Variants in TMEFF2 observed in about 807,000 individuals in gnomAD.
TMEFF2 encodes the protein transmembrane protein with EGF like and two follistatin like domains 2.
In TMEFF2, 28 loss-of-function variants were observed where a neutral mutation model predicts 53.8. The observed-to-expected ratio is 0.52, with a 90% CI of 0.39 to 0.71. TMEFF2 has a LOEUF of 0.71. TMEFF2 is among the 30% of genes least tolerant of loss of function. The pLI, the probability that TMEFF2 is intolerant of heterozygous loss-of-function variation, is 0.00. For missense variants in TMEFF2, 353 were observed against 455.2 expected, an observed-to-expected ratio of 0.78 and a Z score of 2.04; for synonymous variants, 162 against 166.3, an observed-to-expected ratio of 0.97 and a Z score of 0.20.
intron 4 of TMEFF2, among the ~76,000 whole-genome samples, chr2:192,151,118 C>T (rs1690272532): frequency 6.6e-6 from 1 of 151,780 alleles, no homozygotes; most frequent in Non-Finnish European, 1.5e-5. Context: ...ATCTTGCTCA[C>T]TCTCTCTCAT....
chr2:192,023,848 A>T (rs1223375174), intron 5 of TMEFF2, among the ~76,000 whole-genome samples: 1 of 152,170 alleles, frequency 6.6e-6, no homozygotes, highest in Non-Finnish European at 1.5e-5. Flanking sequence ...TTGGGGGCAG[A>T]CTATACTCAT....
chr2:192,057,564 T>G (rs1331515705), intron 5 of TMEFF2, 115 bp downstream of exon 5: 2 of 971,246 alleles, frequency 2.1e-6, no homozygotes, highest in South Asian at 2.9e-5. Context: ...ACTTGGGAAC[T>G]GAATAAGAAA....
intron 4 of TMEFF2, among the ~76,000 whole-genome samples, chr2:192,144,812 G>A (rs1484984944): frequency 6.6e-6 from 1 of 151,946 alleles, no homozygotes. Flanking sequence ...CAAAGTTACA[G>A]TCACTAGTGG....
At chr2:191,964,388 T>TC (rs1692397735) in intron 7 of TMEFF2, among the ~76,000 whole-genome samples, 1 of 43,426 alleles carries the variant, frequency 2.3e-5, no homozygotes, top group Non-Finnish European at 4.5e-5. Context: ...CTTTCTTTCT[T>TC]TCTTTCTTTC....
chr2:192,127,778 A>G (rs1689712620), intron 4 of TMEFF2, among the ~76,000 whole-genome samples: 1 of 152,230 alleles, frequency 6.6e-6, no homozygotes, highest in Non-Finnish European at 1.5e-5. Flanking sequence ...TAATAATATT[A>G]CTTTGTGTGT....
At position 192,194,431 on chromosome 2, in the gene TMEFF2, C is replaced by G; in HGVS notation, c.94G>C (p.Val32Leu). ...GCAGCGAGCTTCACCGGGCGGGCTACGATGAGTAGCATGACGGGCAGCAGC... is the reference window on the plus strand; with the variant it reads ...GCAGCGAGCTTCACCGGGCGGGCTAGGATGAGTAGCATGACGGGCAGCAGC... ...LLLLPVMLLI[V>L]ARPVKLAAFP... Residue 32 changes from valine (V) to leucine (L), a missense_variant, in exon 1 of 10, where the codon GTA (valine) becomes CTA (leucine). This residue lies in a region of TMEFF2 where 54 missense variants were observed against 41.8 expected (regional missense o/e 1.29). Transcript: ENST00000272771. This position sits in a 1 kb window ranked among gnomAD's most constrained non-coding sequence, Gnocchi z 4.2. 1.2e-6 allele frequency: 2 copies of G among 1,614,126 alleles called. No homozygotes were observed. Among genetic ancestry groups the G allele is most frequent in the Non-Finnish European group, 1.7e-6 (2 of 1,180,022 alleles).
rs866226169 is a variant in TMEFF2 at position 192,188,841 on chromosome 2, A to G, written c.282+3039T>C. Among the ~76,000 whole-genome samples the G allele has an allele frequency of 8.8e-4, 102 of 115,536 alleles. 1 individual carries two copies. Among genetic ancestry groups the G allele is most frequent in the Non-Finnish European group, 1.6e-3 (92 of 56,504 alleles). 75.8% of individuals were successfully genotyped at this position (115,536 alleles called of 152,430 possible). A position where few individuals can be genotyped will look rare whatever the true frequency, so the allele number is the denominator to read the frequency against. The stretch of plus-strand genomic sequence containing the variant: ...TCCCCGCTTTTCTATCTATCTATCT[A>G]TCTATCTATCTATCTATCTATCTAT... On this transcript the variant is annotated intron_variant, in intron 2 of 9. Coordinates refer to ENST00000272771, the MANE Select transcript of TMEFF2 (RefSeq NM_016192.4).
At chr2:192,051,060 G>A (rs1687758927) in intron 5 of TMEFF2, among the ~76,000 whole-genome samples, 1 of 152,098 alleles carries the variant, frequency 6.6e-6, no homozygotes, top group African/African-American at 2.4e-5. Flanking sequence ...CGCTACTGCA[G>A]CTTTCAGAGG....
chr2:191,991,165 A>T lies in TMEFF2; in HGVS notation c.745+7097T>A, dbSNP rs190155854. On this transcript the variant is annotated intron_variant, in intron 7 of 9. Coordinates refer to ENST00000272771, the MANE Select transcript of TMEFF2 (RefSeq NM_016192.4). ...CGTGTTAATGTGCTGAAAACTTATA[A>T]ATAAGTATTCAATAAATATTTCTTT... Among the ~76,000 whole-genome samples the T allele has an allele frequency of 5.0e-3, 764 of 152,244 alleles. 6 individuals are homozygous for T. The highest frequency in any genetic ancestry group is 0.018 in the African/African-American group (731 of 41,558).
chr2:191,980,024 G>A (rs1238805542), intron 7 of TMEFF2, among the ~76,000 whole-genome samples: 1 of 152,138 alleles, frequency 6.6e-6, no homozygotes. Flanking sequence ...TAGAGAGGTA[G>A]CTCTCAGTCT....
At chr2:192,172,913 G>T (rs1690950391) in intron 4 of TMEFF2, among the ~76,000 whole-genome samples, 1 of 151,866 alleles carries the variant, frequency 6.6e-6, no homozygotes, top group Non-Finnish European at 1.5e-5. Context: ...TTCAAGGACT[G>T]GCTTAGTCAC....
At chr2:192,057,819 A>G (rs759516117) in intron 4 of TMEFF2, 44 bp from the exon 5 acceptor site, 33 of 1,461,174 alleles carry the variant, frequency 2.3e-5, no homozygotes, top group Non-Finnish European at 3.1e-5. Flanking sequence ...GTAATTGTGC[A>G]TTATATCTAC....
chr2:191,977,463 A>AGGCTT (rs776295467), intron 7 of TMEFF2, among the ~76,000 whole-genome samples: 18 of 152,204 alleles, frequency 1.2e-4, no homozygotes, highest in Admixed American at 6.5e-5. Flanking sequence ...TTTTTTTTAA[A>AGGCTT]GGCTTGCATA....
At chr2:192,129,065 C>T (rs574150483) in intron 4 of TMEFF2, among the ~76,000 whole-genome samples, 2 of 152,290 alleles carry the variant, frequency 1.3e-5, no homozygotes, top group Admixed American at 6.5e-5. Context: ...GCAATCTTAA[C>T]ACCCCCTGGC....
At chr2:192,065,449 C>T (rs2105910964) in intron 4 of TMEFF2, among the ~76,000 whole-genome samples, 1 of 151,834 alleles carries the variant, frequency 6.6e-6, no homozygotes, top group South Asian at 2.1e-4. Flanking sequence ...TAAAATATGA[C>T]ACAAAAATAC....
intron 7 of TMEFF2, among the ~76,000 whole-genome samples, chr2:191,996,469 T>A (rs1450088929): frequency 6.6e-6 from 1 of 151,880 alleles, no homozygotes; most frequent in African/African-American, 2.4e-5. Flanking sequence ...ATATAATAAT[T>A]GTTTATAAAA....
intron 5 of TMEFF2, among the ~76,000 whole-genome samples, chr2:192,016,239 C>T (rs1686741215): frequency 6.6e-6 from 1 of 152,090 alleles, no homozygotes; most frequent in South Asian, 2.1e-4. Flanking sequence ...GTATAGGGAG[C>T]TGAATGGGAT....
At chr2:192,007,991 A>G (rs777907609) in intron 5 of TMEFF2, among the ~76,000 whole-genome samples, 1 of 152,038 alleles carries the variant, frequency 6.6e-6, no homozygotes, top group Non-Finnish European at 1.5e-5. Context: ...CTAGAAACTT[A>G]TTATAGGAGC....
At chr2:191,989,776 G>C (rs914362257) in intron 7 of TMEFF2, among the ~76,000 whole-genome samples, 2 of 151,928 alleles carry the variant, frequency 1.3e-5, no homozygotes, top group African/African-American at 4.8e-5. Flanking sequence ...CTTGGCCCTT[G>C]ATTAAGCCCA....
Sources: gnomAD v4.1 joint callset for allele counts (sites outside exome capture counted in the v4.1 genomes callset) on GRCh38, gnomAD v4.1.1 for gene constraint, gnomAD v4.1.1 regional missense constraint, Gnocchi (gnomAD v3.1) non-coding constraint, MANE v1.5 for transcripts, NCBI Gene and HGNC (gene_info 2026-07-23, HGNC 2026-07-21) for gene names.